NLGN1: variants seen among roughly 807,000 people sequenced by gnomAD.
The protein encoded by NLGN1 is neuroligin-1.
Under a neutral mutation model 65.5 loss-of-function variants are expected in NLGN1, and 12 were observed. The ratio of observed to expected loss-of-function variants is 0.18; its 90% confidence interval spans 0.12 to 0.30. The LOEUF is 0.30. Among genes scored for constraint, NLGN1 ranks in the 10% least tolerant of loss-of-function variants. The pLI, the probability that NLGN1 is intolerant of heterozygous loss-of-function variation, is 1.00. For missense variants in NLGN1, 750 were observed against 1,007.1 expected, an observed-to-expected ratio of 0.74 and a Z score of 3.46; for synonymous variants, 350 against 359.5, an observed-to-expected ratio of 0.97 and a Z score of 0.30.
Position 173,645,576 on chromosome 3 carries a change from G to A in NLGN1, c.493+40485G>A, listed in dbSNP as rs148728515. ...ATGCCCTTCAATGCACAGTCAGGCC[G>A]AGATGGGCCTTGTGGATCCACAATG... On this transcript the variant is annotated intron_variant, in intron 3 of 6. Coordinates refer to ENST00000457714, the Ensembl canonical transcript of NLGN1. Among the ~76,000 whole-genome samples the A allele has an allele frequency of 2.5e-4, 38 of 152,300 alleles. No individual in the cohort carries two copies. In the East Asian group the frequency reaches 5.6e-3, roughly 22 times the overall value.
At chr3:173,464,082 A>C (rs1723861835) in intron 2 of NLGN1, among the ~76,000 whole-genome samples, 1 of 152,108 alleles carries the variant, frequency 6.6e-6, no homozygotes, top group Admixed American at 6.6e-5. Context: ...TTACTGCTTT[A>C]AGCATTAAGG....
chr3:174,244,610 T>C (rs543588875), intron 4 of NLGN1, among the ~76,000 whole-genome samples: 6 of 152,226 alleles, frequency 3.9e-5, no homozygotes, highest in African/African-American at 1.2e-4. Context: ...TAAAAGGAGA[T>C]GATTAAAATT....
intron 3 of NLGN1, among the ~76,000 whole-genome samples, chr3:173,710,713 A>C (rs539141237): frequency 6.6e-6 from 1 of 152,202 alleles, no homozygotes; most frequent in African/African-American, 2.4e-5. Flanking sequence ...ATCTTTTAAC[A>C]ATAAAGTTCC....
intron 4 of NLGN1, among the ~76,000 whole-genome samples, chr3:173,954,949 T>A (rs1711603832): frequency 6.6e-6 from 1 of 152,020 alleles, no homozygotes; most frequent in African/African-American, 2.4e-5. Flanking sequence ...GAGAGGGAAT[T>A]GGCAATTTTT....
intron 4 of NLGN1, among the ~76,000 whole-genome samples, chr3:174,150,979 A>G (rs2152703877): frequency 6.6e-6 from 1 of 151,852 alleles, no homozygotes; most frequent in East Asian, 2.0e-4. Flanking sequence ...CATTTTTCTC[A>G]TTGTGGACAC....
chr3:174,000,612 T>G (rs1443733653), intron 4 of NLGN1, among the ~76,000 whole-genome samples: 1 of 152,172 alleles, frequency 6.6e-6, no homozygotes, highest in African/African-American at 2.4e-5. Flanking sequence ...GTATTTTAAT[T>G]AAGAAATTAT....
chr3:173,581,038 T>G (rs147722905), intron 2 of NLGN1, among the ~76,000 whole-genome samples: 1 of 152,152 alleles, frequency 6.6e-6, no homozygotes, highest in East Asian at 1.9e-4. Context: ...TCTTCTCCCT[T>G]ATCTTTCTAT....
At chr3:173,487,050 T>G (rs1285731679) in intron 2 of NLGN1, among the ~76,000 whole-genome samples, 1 of 151,940 alleles carries the variant, frequency 6.6e-6, no homozygotes, top group East Asian at 1.9e-4. Flanking sequence ...AGAAGCTTCT[T>G]TCTAATAAAT....
At chr3:174,023,791 A>C (rs1728254903) in intron 4 of NLGN1, among the ~76,000 whole-genome samples, 1 of 152,136 alleles carries the variant, frequency 6.6e-6, no homozygotes, top group Non-Finnish European at 1.5e-5. Context: ...AGTCATGCTG[A>C]CTGTGTGATG....
chr3:173,847,098 T>C (rs970800254), intron 4 of NLGN1, among the ~76,000 whole-genome samples: 32 of 152,270 alleles, frequency 2.1e-4, no homozygotes, highest in African/African-American at 7.0e-4. Context: ...TCTTGAAAAG[T>C]ATATAAAAGA....
intron 3 of NLGN1, among the ~76,000 whole-genome samples, chr3:173,744,748 C>T (rs1455771153): frequency 6.6e-6 from 1 of 152,056 alleles, no homozygotes; most frequent in East Asian, 1.9e-4. Context: ...ATCTTTCCTT[C>T]TCCCTTTCCC....
intron 4 of NLGN1, among the ~76,000 whole-genome samples, chr3:174,263,512 C>CT (rs1417492984): frequency 8.7e-5 from 13 of 150,248 alleles, no homozygotes; most frequent in Non-Finnish European, 1.5e-5. Context: ...CAACCCCTGC[C>CT]TTTTTTTGTT....
At chr3:173,533,937 G>T (rs1044232720) in intron 2 of NLGN1, among the ~76,000 whole-genome samples, 1 of 152,036 alleles carries the variant, frequency 6.6e-6, no homozygotes, top group Non-Finnish European at 1.5e-5. Context: ...AGCCGTGATC[G>T]TGCCACTGCA....
intron 4 of NLGN1, among the ~76,000 whole-genome samples, chr3:174,074,625 A>C (rs1740539631): frequency 1.3e-5 from 2 of 152,168 alleles, no homozygotes; most frequent in African/African-American, 4.8e-5. Flanking sequence ...ATAGAAAGGG[A>C]AGCCAGTACA....
chr3:173,842,676 A>G (rs1725010928), intron 4 of NLGN1, among the ~76,000 whole-genome samples: 1 of 152,214 alleles, frequency 6.6e-6, no homozygotes, highest in Admixed American at 6.5e-5. Flanking sequence ...GGTCACGCTG[A>G]TGCAAGAGGT....
chr3:174,118,914 T>C (rs968015681), intron 4 of NLGN1, among the ~76,000 whole-genome samples: 6 of 152,162 alleles, frequency 3.9e-5, no homozygotes, highest in African/African-American at 1.4e-4. Flanking sequence ...ATTCTTCATG[T>C]TATATAGTAA....
intron 3 of NLGN1, among the ~76,000 whole-genome samples, chr3:173,648,320 A>G (rs538841988): frequency 6.6e-6 from 1 of 152,322 alleles, no homozygotes; most frequent in South Asian, 2.1e-4. Context: ...CCAAAATACA[A>G]AATAAAAACC....
rs190573860 is a variant in NLGN1, at chr3:173,754,147, G to A, written c.494-53533G>A. Among the ~76,000 whole-genome samples, 108 of 150,918 alleles carry A rather than the reference G, an allele frequency of 7.2e-4. No homozygotes were observed. In the East Asian group the frequency reaches 0.017, roughly 24 times the overall value. On this transcript the variant is annotated intron_variant, in intron 3 of 6. Transcript: ENST00000457714. ...TTGTAACCTCTGCCTCTCAGGCTCA[G>A]GCGATCCTCGCACCTCAGCTTCCTA...
intron 3 of NLGN1, among the ~76,000 whole-genome samples, chr3:173,627,097 C>T (rs1159805147): frequency 2.0e-5 from 3 of 152,008 alleles, no homozygotes; most frequent in African/African-American, 7.2e-5. Flanking sequence ...TCTGATCTAC[C>T]ATGGGTTTTT....
Sources: allele counts gnomAD v4.1 joint callset (sites outside exome capture counted in the v4.1 genomes callset), GRCh38; gene constraint gnomAD v4.1.1; transcripts MANE v1.5; gene names NCBI Gene and HGNC (gene_info 2026-07-23, HGNC 2026-07-21).